The following FBXL18 variants were observed in gnomAD, a reference collection of about 807,000 sequenced individuals.
The protein encoded by FBXL18 is F-box and leucine rich repeat protein 18.
FBXL18 carries 36 observed loss-of-function variants against 46.0 expected under a neutral mutation model. That is an observed-to-expected ratio of 0.78 (90% CI 0.60 to 1.03). The LOEUF is 1.03. Among genes scored for constraint, FBXL18 ranks in the 50% least tolerant of loss-of-function variants. The pLI is 0.00. For missense variants in FBXL18, 977 were observed against 1,004.1 expected (o/e 0.97, Z 0.36); for synonymous variants, 557 against 465.3 (o/e 1.20, Z -2.54).
At position 5,502,077 on chromosome 7, in the gene FBXL18, G is replaced by A. The variant is rs1366707415; in HGVS notation, c.238-46C>T. ...GGGGAGAGGAAGGAAAGGGCTGAAG[G>A]CACCTACGGGTCTCCAACCCTCAGT... On this transcript the variant is annotated intron_variant, in intron 2 of 4. Transcript: ENST00000382368. 36 of 1,384,436 alleles carry A rather than the reference G, an allele frequency of 2.6e-5. 1 individual carries two copies. Among genetic ancestry groups the A allele is most frequent in the Non-Finnish European group, 3.1e-5 (32 of 1,019,896 alleles). The allele number at this position is 1,384,436 out of a possible 1,614,324, so 85.8% of individuals were successfully genotyped here.
At chr7:5,463,728 A>ATTTATTTATTTTTTTTT (rs1562672288) in intron 4 of FBXL18, among the ~76,000 whole-genome samples, 14 of 53,008 alleles carry the variant, frequency 2.6e-4, no homozygotes, top group Non-Finnish European at 3.3e-4. Context: ...TTATTTATTT[A>ATTTATTTATTTTTTTTT]TTTTTTTTTT....
intron 3 of FBXL18, among the ~76,000 whole-genome samples, chr7:5,494,712 C>T (rs1170802658): frequency 1.3e-5 from 2 of 152,166 alleles, no homozygotes; most frequent in Non-Finnish European, 2.9e-5. Flanking sequence ...GGATTTCTCT[C>T]CAAAGCAAAA....
At position 5,481,650 on chromosome 7, in the gene FBXL18, C is replaced by G; in HGVS notation, c.*125G>C. The G allele has an allele frequency of 9.9e-7, 1 of 1,006,676 alleles. No homozygotes were observed. Among genetic ancestry groups the G allele is most frequent in the Non-Finnish European group, 1.5e-6 (1 of 673,118 alleles). The allele number at this position is 1,006,676 out of a possible 1,614,324, so 62.4% of individuals were successfully genotyped here. A position where few individuals can be genotyped will look rare whatever the true frequency, so the allele number is the denominator to read the frequency against. ...TGGAGACGCCGGGAGCCCCAGGAGCCAGGTGGGGCGTGGCTGGCCGGGAGA... is the reference window on the plus strand; with the variant it reads ...TGGAGACGCCGGGAGCCCCAGGAGCGAGGTGGGGCGTGGCTGGCCGGGAGA... On this transcript the variant is annotated 3_prime_UTR_variant, in exon 5 of 5. Transcript: ENST00000382368.
At chr7:5,483,196 T>C (rs1360536576) in intron 4 of FBXL18, among the ~76,000 whole-genome samples, 1 of 151,826 alleles carries the variant, frequency 6.6e-6, no homozygotes, top group Non-Finnish European at 1.5e-5. Flanking sequence ...ACCCCAGCAC[T>C]TTGGGAGGCA....
At chr7:5,502,945 A>G (rs969878522) in intron 2 of FBXL18, among the ~76,000 whole-genome samples, 1 of 152,168 alleles carries the variant, frequency 6.6e-6, no homozygotes, top group Non-Finnish European at 1.5e-5. Context: ...CTGAAAACTG[A>G]GACTCAGCCT....
At chr7:5,502,319 G>C (rs1382444171) in intron 2 of FBXL18, among the ~76,000 whole-genome samples, 1 of 152,224 alleles carries the variant, frequency 6.6e-6, no homozygotes, top group Non-Finnish European at 1.5e-5. Context: ...TGGATCACCT[G>C]AGGTCAGGAG....
intron 1 of FBXL18, among the ~76,000 whole-genome samples, chr7:5,512,001 C>T (rs1456011484): frequency 1.3e-5 from 2 of 150,832 alleles, no homozygotes; most frequent in Non-Finnish European, 2.9e-5. Flanking sequence ...TTTGGGAGGC[C>T]GAAGAGGGTG....
chr7:5,456,528 C>A (rs1433591535), intron 4 of FBXL18, among the ~76,000 whole-genome samples: 1 of 152,000 alleles, frequency 6.6e-6, no homozygotes, highest in East Asian at 1.9e-4. Context: ...TCTCTGAATC[C>A]TGAAGAATAA....
chr7:5,484,875 G>A (rs1227001540), intron 4 of FBXL18, among the ~76,000 whole-genome samples: 1 of 151,968 alleles, frequency 6.6e-6, no homozygotes, highest in African/African-American at 2.4e-5. Flanking sequence ...CTGACCTCAA[G>A]TGATCCACCC....
chr7:5,502,901 A>G (rs1024547490), intron 2 of FBXL18, among the ~76,000 whole-genome samples: 2 of 151,754 alleles, frequency 1.3e-5, no homozygotes, highest in Admixed American at 6.6e-5. Context: ...CACATGAGCC[A>G]GCAACTTCAC....
Position 5,501,453 on chromosome 7 carries a change from G to A in FBXL18, c.816C>T (p.Ser272=). 1 of 1,612,720 alleles carries A rather than the reference G, an allele frequency of 6.2e-7. No homozygotes were observed. Residue 272 remains serine (S), a synonymous_variant, in exon 3 of 5, where the codon AGC becomes AGT. Coordinates refer to ENST00000382368, the MANE Select transcript of FBXL18 (RefSeq NM_024963.6). ...TCTTGGTGGCGCCGCTCTCCGCGAA[G>A]CTGCCAGGGACGGAGATGAGGAAGG... ...LHAFLISVPG[S]FAESGATKNL... is the part of the protein sequence containing the mutation.
In FBXL18 at chr7:5,501,358, C is replaced by T. The variant is rs1156593188; in HGVS notation, c.911G>A (p.Gly304Asp). The change falls in exon 3 of 5, where the codon GGC becomes GAC. Residue 304 changes from glycine to aspartate, a missense_variant. By Grantham distance (94) the Gly-to-Asp change is moderately conservative. Transcript: ENST00000382368. ...TTTCATGTGCTGCAGGAGGGAAGAG[C>T]CGTTCAGCCAGGACTTGGGCAGCTG... ...ALQLPKSWLN[G>D]SSLLQHMKFN... 3.1e-6 allele frequency: 5 copies of T among 1,613,972 alleles called. No individual in the cohort carries two copies. The highest frequency in any genetic ancestry group is 4.2e-6 in the Non-Finnish European group (5 of 1,180,028).
chr7:5,501,140 T>C lies in FBXL18; in HGVS notation c.1129A>G (p.Thr377Ala), dbSNP rs1301184838. 1 of 1,612,950 alleles carries C rather than the reference T, an allele frequency of 6.2e-7. No homozygotes were observed. Among genetic ancestry groups the C allele is most frequent in the East Asian group, 2.2e-5 (1 of 44,842 alleles). Reference protein sequence around the residue: ...EDDIDSSILETLVASCCNLRH... With the variant: ...EDDIDSSILEALVASCCNLRH... ...AGGTTGCAGCAGGACGCCACCAGAGTCTCCAGGATGCTGCTGTCGATGTCG... is the reference window on the plus strand; with the variant it reads ...AGGTTGCAGCAGGACGCCACCAGAGCCTCCAGGATGCTGCTGTCGATGTCG... The change falls in exon 3 of 5, where the codon ACT becomes GCT. Residue 377 changes from threonine to alanine, a missense_variant. By Grantham distance (58) the Thr-to-Ala change is moderately conservative. Coordinates refer to ENST00000382368, the MANE Select transcript of FBXL18 (RefSeq NM_024963.6).
At chr7:5,474,546 G>A (rs973226575), downstream of FBXL18, among the ~76,000 whole-genome samples, 1 of 151,928 alleles carries the variant, frequency 6.6e-6, no homozygotes, top group East Asian at 1.9e-4. Flanking sequence ...AAACTCCTGG[G>A]CACAAGTGTT....
chr7:5,458,562 G>A (rs895895477), intron 4 of FBXL18, among the ~76,000 whole-genome samples: 4 of 152,114 alleles, frequency 2.6e-5, no homozygotes, highest in African/African-American at 4.8e-5. Flanking sequence ...GCCAGGCATT[G>A]TGGCGTCCAC....
chr7:5,465,323 C>T (rs1329278011), intron 4 of FBXL18, among the ~76,000 whole-genome samples: 1 of 151,852 alleles, frequency 6.6e-6, no homozygotes, highest in Non-Finnish European at 1.5e-5. Flanking sequence ...GCCCCAGCCT[C>T]CCAAGTAACT....
rs779030625 is a variant in FBXL18 at position 5,481,741 on chromosome 7, G to A, written c.*34C>T. 9.9e-6 allele frequency: 16 copies of A among 1,610,584 alleles called. No individual in the cohort carries two copies. The highest frequency in any genetic ancestry group is 1.6e-4 in the Middle Eastern group (1 of 6,072). ...GTCCCAGGCTCCTGCAGCTTCTCGA[G>A]GTGACTGAGACCGATGGGCGGCGGC... On this transcript the variant is annotated 3_prime_UTR_variant, in exon 5 of 5. Transcript: ENST00000382368.
intron 4 of FBXL18, among the ~76,000 whole-genome samples, chr7:5,458,362 C>T (rs1220165910): frequency 1.3e-5 from 2 of 152,114 alleles, no homozygotes; most frequent in East Asian, 3.8e-4. Flanking sequence ...GTCAGGAGTT[C>T]GAGACCAACC....
intron 2 of FBXL18, among the ~76,000 whole-genome samples, chr7:5,502,329 G>T (rs576907149): frequency 6.6e-6 from 1 of 152,238 alleles, no homozygotes; most frequent in Non-Finnish European, 1.5e-5. Context: ...GAGGTCAGGA[G>T]TTCGAGACCA....
Sources: gnomAD v4.1 joint callset for allele counts (sites outside exome capture counted in the v4.1 genomes callset) on GRCh38, gnomAD v4.1.1 for gene constraint, MANE v1.5 for transcripts, NCBI Gene and HGNC (gene_info 2026-07-23, HGNC 2026-07-21) for gene names.